CCT4: variants seen among roughly 807,000 people sequenced by gnomAD.
CCT4 encodes T-complex protein 1 subunit delta.
CCT4 carries 17 observed loss-of-function variants against 62.5 expected under a neutral mutation model. The ratio of observed to expected loss-of-function variants is 0.27; its 90% CI spans 0.19 to 0.41. The LOEUF is 0.41. CCT4 is among the 10% of genes least tolerant of loss of function. The pLI, the probability that CCT4 is intolerant of heterozygous loss-of-function variation, is 1.00. For missense variants in CCT4, 592 were observed against 659.2 expected (o/e 0.90, Z 1.12); for synonymous variants, 250 against 229.9 (o/e 1.09, Z -0.79).
Position 61,877,478 on chromosome 2 carries a change from T to C in CCT4, c.559A>G (p.Ser187Gly). ...ATCACTTTCATCACTGCATTTACAC[T>C]CATTGGAGAAAGCAGACTTGAATAC... ...SQYSSLLSPM[S>G]VNAVMKVIDP... Residue 187 changes from serine to glycine, a missense_variant, in exon 6 of 14, where the codon AGT becomes GGT. By Grantham distance (56) the Ser-to-Gly change is moderately conservative. Around this residue, in one of 3 missense-constraint regions of CCT4, gnomAD observed 522 missense variants for 571.2 expected, o/e 0.91. Transcript: ENST00000394440. 1 of 1,605,964 alleles carries C rather than the reference T, an allele frequency of 6.2e-7. No homozygotes were observed. The highest frequency in any genetic ancestry group is 8.5e-7 in the Non-Finnish European group (1 of 1,175,440).
chr2:61,888,421 C>A lies in CCT4; in HGVS notation c.87G>T (p.Lys29Asn). The part of the protein sequence containing the change: ...RGKGAYQDRD[K>N]PAQIRFSNIS... ...TGTTGCTGAAGCGGATCTGGGCTGG[C>A]TTGTCGCGGTCCTGATAGGCGCCTT... Residue 29 changes from lysine (K) to asparagine (N), a missense_variant, in exon 1 of 14, where the codon AAG becomes AAT. Physicochemically the swap from Lys to Asn is moderately conservative, Grantham distance 94 (BLOSUM62 0). Coordinates refer to ENST00000394440, the MANE Select transcript of CCT4 (RefSeq NM_006430.4). 1 of 1,612,938 alleles carries A rather than the reference C, an allele frequency of 6.2e-7. No individual in the cohort carries two copies. The highest frequency in any genetic ancestry group is 8.5e-7 in the Non-Finnish European group (1 of 1,179,632).
chr2:61,886,796 G>C (rs1436662861), intron 1 of CCT4, among the ~76,000 whole-genome samples: 3 of 149,918 alleles, frequency 2.0e-5, no homozygotes, highest in South Asian at 4.2e-4. Flanking sequence ...AGTTTCGCTC[G>C]TCACCCTGGC....
intron 12 of CCT4, among the ~76,000 whole-genome samples, chr2:61,870,972 C>T (rs946703751): frequency 1.2e-3 from 11 of 9,134 alleles, no homozygotes; most frequent in African/African-American, 5.4e-3. Flanking sequence ...ATCCCAACTA[C>T]GGGAAGGAAA....
intron 10 of CCT4, among the ~76,000 whole-genome samples, 182 bp from the exon 11 acceptor site, chr2:61,872,770 A>C (rs1352145168): frequency 1.1e-4 from 17 of 152,208 alleles, no homozygotes. Context: ...TACTAAAAAT[A>C]CAAAAAATTA....
chr2:61,881,338 T>C lies in CCT4; in HGVS notation c.271-944A>G, dbSNP rs547115847. Among the ~76,000 whole-genome samples, 3 of 152,262 alleles carry C rather than the reference T, an allele frequency of 2.0e-5. No individual in the cohort carries two copies. The South Asian group carries it at 6.2e-4, about 32-fold the overall frequency. ...GGATAACAAAATTTTTTTGTTATCCTGTCGAACTCCTGACCTCAGGTGATC... is the reference window on the plus strand; with the variant it reads ...GGATAACAAAATTTTTTTGTTATCCCGTCGAACTCCTGACCTCAGGTGATC... On this transcript the variant is annotated intron_variant, in intron 3 of 13. Coordinates refer to ENST00000394440, the MANE Select transcript of CCT4 (RefSeq NM_006430.4).
At chr2:61,872,000 G>T in intron 12 of CCT4, 82 bp downstream of exon 12, 1 of 928,106 alleles carries the variant, frequency 1.1e-6, no homozygotes, top group Non-Finnish European at 1.6e-6. Context: ...TCATTACAGA[G>T]CTTTCCATTC....
At chr2:61,878,251 C>G (rs1346232615) in intron 5 of CCT4, among the ~76,000 whole-genome samples, 1 of 152,124 alleles carries the variant, frequency 6.6e-6, no homozygotes, top group African/African-American at 2.4e-5. Flanking sequence ...TTACAGAAAA[C>G]AAGTGACATG....
At chr2:61,869,117 G>A (rs899520756) in intron 13 of CCT4, among the ~76,000 whole-genome samples, 9 of 139,610 alleles carry the variant, frequency 6.4e-5, no homozygotes, top group South Asian at 2.3e-4. Context: ...ACTCCAGCCT[G>A]GGCAACAGAG....
chr2:61,877,618 G>T, intron 5 of CCT4, 104 bp from the exon 6 acceptor site: 1 of 851,726 alleles, frequency 1.2e-6, no homozygotes, highest in Non-Finnish European at 1.7e-6. Flanking sequence ...TTTTTGCAGT[G>T]GGGTGTGGGT....
intron 5 of CCT4, among the ~76,000 whole-genome samples, chr2:61,877,941 T>C (rs1430730674): frequency 6.6e-6 from 1 of 152,178 alleles, no homozygotes; most frequent in Non-Finnish European, 1.5e-5. Flanking sequence ...GTCTTAGAAC[T>C]TTACATATTA....
At chr2:61,870,347 A>T in intron 12 of CCT4, among the ~76,000 whole-genome samples, 1 of 152,160 alleles carries the variant, frequency 6.6e-6, no homozygotes, top group East Asian at 1.9e-4. Flanking sequence ...TCTTAATTAG[A>T]TCAACCCCAG....
In CCT4 at chr2:61,883,588, CTTAATAGTTTTATTAAACTT is replaced by C. The variant is rs1669164488; in HGVS notation, c.181-60_181-41del. ...TTAAAGTTATATTTCAATGTCACAC[CTTAATAGTTTTATTAAACTT>C]TTACATTTCAAAATAGAGAAGTTAA... On this transcript the variant is annotated intron_variant, in intron 2 of 13. Transcript: ENST00000394440. 6.3e-6 allele frequency: 6 copies of C among 946,986 alleles called. No homozygotes were observed. The South Asian group carries it at 8.8e-5, about 14-fold the overall frequency. The allele number at this position is 946,986 out of a possible 1,614,324, so 58.7% of individuals were successfully genotyped here. A position where few individuals can be genotyped will look rare whatever the true frequency, so the allele number is the denominator to read the frequency against.
intron 4 of CCT4, 78 bp downstream of exon 4, chr2:61,880,208 C>A: frequency 1.5e-6 from 1 of 660,814 alleles, no homozygotes; most frequent in South Asian, 2.3e-5. Context: ...TCCCATATTA[C>A]TTATGAATAA....
At chr2:61,869,415 A>C (rs775200808) in intron 13 of CCT4, 25 bp downstream of exon 13, 24 of 1,370,334 alleles carry the variant, frequency 1.8e-5, no homozygotes, top group Non-Finnish European at 1.9e-5. Context: ...CCTCCTAAGA[A>C]AATTTGCAAC....
chr2:61,885,116 T>TG lies in CCT4; in HGVS notation c.128-45_128-44insC, dbSNP rs773956542. 11 of 1,492,680 alleles carry TG rather than the reference T, an allele frequency of 7.4e-6. No homozygotes were observed. In the African/African-American group the frequency reaches 1.6e-4, roughly 22 times the overall value. 92.5% of individuals were successfully genotyped at this position (1,492,680 alleles called of 1,614,324 possible). ...AAAAAGAAAACAAATTAGAACTTTTTTTTTTTTAAGAGACAGGGTCTTACT... is the reference window on the plus strand; with the variant it reads ...AAAAAGAAAACAAATTAGAACTTTTTGTTTTTTTAAGAGACAGGGTCTTACT... On this transcript the variant is annotated intron_variant, in intron 1 of 13. Coordinates refer to ENST00000394440, the MANE Select transcript of CCT4 (RefSeq NM_006430.4).
In CCT4 at chr2:61,878,945, G is replaced by T; in HGVS notation, c.446C>A (p.Thr149Asn). The T allele has an allele frequency of 6.2e-7, 1 of 1,610,382 alleles. No individual in the cohort carries two copies. The highest frequency in any genetic ancestry group is 1.7e-5 in the Admixed American group (1 of 59,496). ...CAGTTCCACAGGTCGAGACATGTCAGTCAAGATTTCAATGCCCTTTTCCAG... is the reference window on the plus strand; with the variant it reads ...CAGTTCCACAGGTCGAGACATGTCATTCAAGATTTCAATGCCCTTTTCCAG... ...KALEKGIEIL[T>N]DMSRPVELSD... is the part of the protein sequence containing the mutation. The change falls in exon 5 of 14, where the codon ACT (threonine) becomes AAT (asparagine). Residue 149 changes from threonine to asparagine, a missense_variant. This residue lies in a region of CCT4 where 522 missense variants were observed against 571.2 expected (regional missense o/e 0.91). Coordinates refer to ENST00000394440, the MANE Select transcript of CCT4 (RefSeq NM_006430.4).
chr2:61,885,287 T>C (rs1162536902), intron 1 of CCT4, among the ~76,000 whole-genome samples: 1 of 152,110 alleles, frequency 6.6e-6, no homozygotes, highest in Admixed American at 6.6e-5. Context: ...CTTATTAGGA[T>C]ATAGTGCATA....
intron 2 of CCT4, among the ~76,000 whole-genome samples, chr2:61,883,842 C>G (rs1246901035): frequency 6.6e-6 from 1 of 151,546 alleles, no homozygotes; most frequent in East Asian, 1.9e-4. Context: ...TAAAGAAGCA[C>G]TTGCTATCTT....
chr2:61,871,637 T>C (rs1534646), intron 12 of CCT4, among the ~76,000 whole-genome samples: 91,049 of 152,096 alleles, frequency 0.6, 27,906 homozygotes, highest in Middle Eastern at 0.76. Context: ...TAATAAAAAG[T>C]GATATTATTA....
Sources: allele counts gnomAD v4.1 joint callset (sites outside exome capture counted in the v4.1 genomes callset), GRCh38; gene constraint gnomAD v4.1.1; regional missense constraint gnomAD v4.1.1; transcripts MANE v1.5; gene names NCBI Gene and HGNC (gene_info 2026-07-23, HGNC 2026-07-21).